CACNA1E: variants seen among roughly 807,000 people sequenced by gnomAD.
CACNA1E encodes calcium voltage-gated channel subunit alpha1 E.
Under a neutral mutation model 259.2 loss-of-function variants are expected in CACNA1E, and 40 were observed. That is an observed-to-expected ratio of 0.15 (90% CI 0.12 to 0.20). The LOEUF (loss-of-function observed/expected upper bound fraction) is 0.20. CACNA1E is among the 10% of genes least tolerant of loss of function. The pLI is 1.00. For missense variants in CACNA1E, 1,874 were observed against 3,040.1 expected (o/e 0.62, Z 9.02); for synonymous variants, 1,104 against 1,138.5 (o/e 0.97, Z 0.61).
chr1:181,715,932 T>A (rs945911155), intron 9 of CACNA1E, 108 bp from the exon 10 acceptor site: 58 of 707,274 alleles, frequency 8.2e-5, no homozygotes, highest in Non-Finnish European at 1.4e-4. Flanking sequence ...GATGCCTGTG[T>A]TACAGGGGCC....
intron 3 of CACNA1E, among the ~76,000 whole-genome samples, chr1:181,523,256 C>T (rs1667120137): frequency 6.6e-6 from 1 of 152,198 alleles, no homozygotes; most frequent in African/African-American, 2.4e-5. Flanking sequence ...TTCCACTCCC[C>T]CCAGCTGTGA....
At chr1:181,426,210 C>A (rs576961403) in intron 2 of CACNA1E, among the ~76,000 whole-genome samples, 1 of 151,984 alleles carries the variant, frequency 6.6e-6, no homozygotes, top group South Asian at 2.1e-4. Context: ...AATTCCCCAA[C>A]CCAGTCCTAC....
At chr1:181,556,792 C>A (rs1440236449) in intron 3 of CACNA1E, among the ~76,000 whole-genome samples, 1 of 152,134 alleles carries the variant, frequency 6.6e-6, no homozygotes, top group East Asian at 1.9e-4. Context: ...GGTTTCTCAA[C>A]AGAGTGAAGA....
At chr1:181,527,306 G>A (rs570615) in intron 3 of CACNA1E, among the ~76,000 whole-genome samples, 23,425 of 152,206 alleles carry the variant, frequency 0.15, 2,018 homozygotes, top group African/African-American at 0.22. Flanking sequence ...TGTCTCTTTT[G>A]TAAGGACACT....
intron 1 of CACNA1E, among the ~76,000 whole-genome samples, chr1:181,334,524 A>G (rs932365305): frequency 2.0e-5 from 3 of 152,210 alleles, no homozygotes; most frequent in South Asian, 2.1e-4. Context: ...TCCTTCTTCA[A>G]TCTTCGCTAT....
At chr1:181,320,084 C>T (rs150697031) in intron 1 of CACNA1E, among the ~76,000 whole-genome samples, 22 of 152,272 alleles carry the variant, frequency 1.4e-4, no homozygotes, top group Non-Finnish European at 2.9e-4. Flanking sequence ...GTCCTTCTGC[C>T]AGGAATTGTG....
chr1:181,763,475 C>T lies in CACNA1E; in HGVS notation c.4759C>T (p.Leu1587=). The part of the protein sequence containing the change: ...LFRAARLIKL[L]RQGYTIRILL... ...CCGAGCTGCCCGCCTCATAAAGCTC[C>T]TGCGTCAGGGCTATACCATACGCAT... Residue 1587 remains leucine, a synonymous_variant, in exon 34 of 48, where the codon CTG becomes TTG. Coordinates refer to ENST00000367573, the MANE Select transcript of CACNA1E (RefSeq NM_001205293.3). 1 of 1,606,860 alleles carries T rather than the reference C, an allele frequency of 6.2e-7. No individual in the cohort carries two copies. Among genetic ancestry groups the T allele is most frequent in the Non-Finnish European group, 8.5e-7 (1 of 1,173,998 alleles).
chr1:181,729,940 C>T lies in CACNA1E; in HGVS notation c.2241-1235C>T, dbSNP rs144671801. Reference sequence around the variant, plus strand: ...ATCTACCCATGCTTCTTGGCTCTCCCGCCCCCACCTGTGCCTTGTTGCATT... The same window carrying T: ...ATCTACCCATGCTTCTTGGCTCTCCTGCCCCCACCTGTGCCTTGTTGCATT... On this transcript the variant is annotated intron_variant, in intron 18 of 47. Transcript: ENST00000367573. 1.3e-3 allele frequency among the ~76,000 whole-genome samples: 198 copies of T among 152,326 alleles called. 2 individuals are homozygous for T. The highest frequency in any genetic ancestry group is 4.4e-3 in the African/African-American group (185 of 41,584).
intron 7 of CACNA1E, among the ~76,000 whole-genome samples, chr1:181,695,311 T>C (rs1651587594): frequency 6.6e-6 from 1 of 152,166 alleles, no homozygotes; most frequent in Non-Finnish European, 1.5e-5. Context: ...TCTAAATCAA[T>C]ATGGAGATTA....
chr1:181,368,607 G>A (rs1654458280), intron 1 of CACNA1E, among the ~76,000 whole-genome samples: 1 of 152,144 alleles, frequency 6.6e-6, no homozygotes, highest in African/African-American at 2.4e-5. Context: ...CTGTGAGGAT[G>A]GAGAAAAGGA....
chr1:181,796,176 A>G (rs991480446), intron 46 of CACNA1E, among the ~76,000 whole-genome samples: 1 of 152,210 alleles, frequency 6.6e-6, no homozygotes, highest in Non-Finnish European at 1.5e-5. Context: ...GTAATTTGCT[A>G]GCCTGCCTTT....
At chr1:181,453,851 T>C (rs906874322) in intron 2 of CACNA1E, among the ~76,000 whole-genome samples, 5 of 152,200 alleles carry the variant, frequency 3.3e-5, no homozygotes, top group Admixed American at 3.3e-4. Flanking sequence ...ATCTGTTTGA[T>C]TGCCAGTAGC....
In CACNA1E at chr1:181,724,504, G is replaced by A. The variant is rs777662913; in HGVS notation, c.2109G>A (p.Val703=). The A allele has an allele frequency of 3.7e-6, 6 of 1,613,232 alleles. No homozygotes were observed. In the South Asian group the frequency reaches 5.5e-5, roughly 15 times the overall value. ...TLLNVFLAIA[V]DNLANAQELT... is the part of the protein sequence containing the mutation. ...TGAATGTGTTCTTGGCTATCGCTGT[G>A]GATAATCTCGCCAACGCCCAGGAAC... Residue 703 remains valine (V), a synonymous_variant, in exon 17 of 48, where the codon GTG becomes GTA. Coordinates refer to ENST00000367573, the MANE Select transcript of CACNA1E (RefSeq NM_001205293.3).
intron 1 of CACNA1E, among the ~76,000 whole-genome samples, chr1:181,337,306 C>T (rs1341406205): frequency 5.3e-5 from 8 of 150,104 alleles, no homozygotes. Flanking sequence ...CAGGCGCCCG[C>T]CACCACGCCT....
rs1230351061 is a variant in CACNA1E at position 181,758,449 on chromosome 1, A to T, written c.4495-309A>T. On this transcript the variant is annotated intron_variant, in intron 31 of 47. Coordinates refer to ENST00000367573, the MANE Select transcript of CACNA1E (RefSeq NM_001205293.3). The surrounding 1 kb of genome is among the most constrained non-coding windows in gnomAD (Gnocchi z 4.2). ...TGGAGTATTCAGAGAGGCTCATCCT[A>T]TTTAATATTAAATGACTAACTCCAG... is the stretch of plus-strand genomic sequence containing the variant. Among the ~76,000 whole-genome samples, 3 of 152,176 alleles carry T rather than the reference A, an allele frequency of 2.0e-5. No individual in the cohort carries two copies. Among genetic ancestry groups the T allele is most frequent in the African/African-American group, 7.2e-5 (3 of 41,446 alleles).
chr1:181,365,309 G>C (rs1021016376), intron 1 of CACNA1E, among the ~76,000 whole-genome samples: 3 of 152,192 alleles, frequency 2.0e-5, no homozygotes, highest in Non-Finnish European at 4.4e-5. Context: ...GTGGGACTAT[G>C]GGCATGTACA....
intron 1 of CACNA1E, among the ~76,000 whole-genome samples, chr1:181,410,700 C>G (rs1163322691): frequency 2.0e-5 from 3 of 152,128 alleles, no homozygotes; most frequent in Non-Finnish European, 4.4e-5. Context: ...GTGGAGAAAA[C>G]CATAAGCTAG....
chr1:181,538,698 A>C (rs1668357196), intron 3 of CACNA1E, among the ~76,000 whole-genome samples: 1 of 152,184 alleles, frequency 6.6e-6, no homozygotes, highest in African/African-American at 2.4e-5. Context: ...ATATTTATTT[A>C]AGCTGGATGT....
intron 1 of CACNA1E, among the ~76,000 whole-genome samples, chr1:181,372,805 G>A (rs1003481673): frequency 1.5e-5 from 2 of 133,382 alleles, no homozygotes; most frequent in Non-Finnish European, 3.2e-5. Flanking sequence ...ATGAAGGGAT[G>A]TTGAATATAT....
Sources: allele counts gnomAD v4.1 joint callset (sites outside exome capture counted in the v4.1 genomes callset), GRCh38; gene constraint gnomAD v4.1.1; non-coding constraint Gnocchi (gnomAD v3.1); transcripts MANE v1.5; gene names NCBI Gene and HGNC (gene_info 2026-07-23, HGNC 2026-07-21).